The following FRMD4A variants were observed in gnomAD, a reference collection of about 807,000 sequenced individuals.
FRMD4A encodes the protein FERM domain-containing protein 4A.
A neutral mutation model predicts 129.1 loss-of-function variants in FRMD4A; 29 were observed. The ratio of observed to expected loss-of-function variants is 0.22; its 90% CI spans 0.17 to 0.31. FRMD4A has a LOEUF of 0.31. FRMD4A is among the 10% of genes least tolerant of loss of function. The probability of loss-of-function intolerance (pLI) is 1.00; values close to 1 mark genes in which losing one functional copy is unlikely to be tolerated. For missense variants in FRMD4A, 1,272 were observed against 1,375.8 expected, an observed-to-expected ratio of 0.92 and a Z score of 1.19; for synonymous variants, 634 against 571.6, an observed-to-expected ratio of 1.11 and a Z score of -1.56.
intron 2 of FRMD4A, among the ~76,000 whole-genome samples, chr10:14,102,125 G>A (rs1354315761): frequency 6.6e-6 from 1 of 152,194 alleles, no homozygotes; most frequent in African/African-American, 2.4e-5. Context: ...CACAAGTGAG[G>A]TGGTCCATAG....
At chr10:13,785,137 T>A (rs2092822884) in intron 5 of FRMD4A, among the ~76,000 whole-genome samples, 2 of 152,014 alleles carry the variant, frequency 1.3e-5, no homozygotes, top group Admixed American at 6.6e-5. Flanking sequence ...ACACACTAAA[T>A]AAATAAATAA....
At chr10:13,706,051 G>A (rs886334849) in intron 13 of FRMD4A, among the ~76,000 whole-genome samples, 5 of 152,172 alleles carry the variant, frequency 3.3e-5, no homozygotes, top group African/African-American at 1.2e-4. Flanking sequence ...CATGGGGAGG[G>A]ACTGCAGCTT....
In FRMD4A at chr10:13,688,591, C is replaced by T. The variant is rs77300201; in HGVS notation, c.1117+5307G>A. Among the ~76,000 whole-genome samples, 58 of 151,936 alleles carry T rather than the reference C, an allele frequency of 3.8e-4. No homozygotes were observed. In the East Asian group the frequency reaches 9.1e-3, roughly 24 times the overall value. On this transcript the variant is annotated intron_variant, in intron 15 of 24. Transcript: ENST00000357447. ...ACTATTAAAAAAAAGAATCTGGTGA[C>T]GGATCTTGGGTTTAAAAAATAAAAA... is the stretch of plus-strand genomic sequence containing the variant.
intron 2 of FRMD4A, among the ~76,000 whole-genome samples, chr10:13,891,926 C>T (rs1263247189): frequency 1.3e-5 from 2 of 148,508 alleles, no homozygotes; most frequent in Admixed American, 1.3e-4. Flanking sequence ...CGCCCCGAGC[C>T]AGTCCCCGGC....
rs576021880 is a variant in FRMD4A, at chr10:14,324,730, G to A, written c.45+5328C>T. On this transcript the variant is annotated intron_variant, in intron 2 of 24. Transcript: ENST00000357447. ...GAGTGCAGTGGCGTGCGCCGATCTCGGCTCACGGCAACCTCTGCCTCCTTG... is the reference window on the plus strand; with the variant it reads ...GAGTGCAGTGGCGTGCGCCGATCTCAGCTCACGGCAACCTCTGCCTCCTTG... 4.6e-5 allele frequency among the ~76,000 whole-genome samples: 7 copies of A among 152,180 alleles called. No homozygotes were observed. In the South Asian group the frequency reaches 1.0e-3, roughly 23 times the overall value.
intron 2 of FRMD4A, among the ~76,000 whole-genome samples, chr10:13,886,926 A>G: frequency 6.6e-6 from 1 of 152,232 alleles, no homozygotes; most frequent in East Asian, 1.9e-4. Flanking sequence ...AATAATTGCT[A>G]AGAAGGCAGG....
chr10:14,251,753 C>G (rs1844448926), intron 2 of FRMD4A, among the ~76,000 whole-genome samples: 1 of 152,204 alleles, frequency 6.6e-6, no homozygotes, highest in South Asian at 2.1e-4. Flanking sequence ...CATACCCCAG[C>G]TCCAACACTG....
In FRMD4A at chr10:13,954,002, G is replaced by A. The variant is rs1003732348; in HGVS notation, c.46-95090C>T. Among the ~76,000 whole-genome samples, 18 of 152,240 alleles carry A rather than the reference G, an allele frequency of 1.2e-4. No homozygotes were observed. The East Asian group carries it at 1.4e-3, about 11-fold the overall frequency. On this transcript the variant is annotated intron_variant, in intron 2 of 24. Transcript: ENST00000357447. ...AAAGAATCACCATAGGGCAGCAGCCGGTACTTATCCCTTCTCTACAAAAAC... is the reference window on the plus strand; with the variant it reads ...AAAGAATCACCATAGGGCAGCAGCCAGTACTTATCCCTTCTCTACAAAAAC...
At chr10:14,018,998 T>G (rs923625455) in intron 2 of FRMD4A, among the ~76,000 whole-genome samples, 6 of 152,130 alleles carry the variant, frequency 3.9e-5, no homozygotes, top group African/African-American at 1.4e-4. Flanking sequence ...AACACGCACA[T>G]TTACTTCTCA....
At chr10:14,156,056 T>C (rs1840580617) in intron 2 of FRMD4A, among the ~76,000 whole-genome samples, 2 of 152,176 alleles carry the variant, frequency 1.3e-5, no homozygotes, top group South Asian at 4.1e-4. Flanking sequence ...AAACTTTTTC[T>C]CATGAGCTCA....
At chr10:14,252,964 T>C (rs930824876) in intron 2 of FRMD4A, among the ~76,000 whole-genome samples, 1 of 152,252 alleles carries the variant, frequency 6.6e-6, no homozygotes, top group Non-Finnish European at 1.5e-5. Context: ...CATTCATTTA[T>C]ATCAGTGTAG....
chr10:14,243,450 CG>C (rs1181589634), intron 2 of FRMD4A, among the ~76,000 whole-genome samples: 1 of 152,112 alleles, frequency 6.6e-6, no homozygotes, highest in African/African-American at 2.4e-5. Flanking sequence ...CCCAGTCATG[CG>C]GAACTGTGAG....
intron 2 of FRMD4A, among the ~76,000 whole-genome samples, chr10:14,050,878 A>C (rs1313802309): frequency 2.6e-5 from 4 of 152,156 alleles, no homozygotes; most frequent in African/African-American, 9.6e-5. Flanking sequence ...CTTCTTTATA[A>C]TAAACTGGTA....
intron 2 of FRMD4A, among the ~76,000 whole-genome samples, chr10:14,320,286 G>A (rs1846925244): frequency 6.6e-6 from 1 of 152,164 alleles, no homozygotes; most frequent in South Asian, 2.1e-4. Flanking sequence ...CATTTGCAAT[G>A]TCTTGCCTTA....
At chr10:13,966,270 G>A (rs2095484781) in intron 2 of FRMD4A, among the ~76,000 whole-genome samples, 1 of 152,130 alleles carries the variant, frequency 6.6e-6, no homozygotes, top group South Asian at 2.1e-4. Flanking sequence ...TGATCTGCCT[G>A]TCTTGGCCTC....
intron 2 of FRMD4A, among the ~76,000 whole-genome samples, chr10:14,199,845 TAAGA>T (rs1461630236): frequency 1.4e-5 from 2 of 139,906 alleles, no homozygotes; most frequent in African/African-American, 4.9e-5. Context: ...CCTCTACCTT[TAAGA>T]AAGACATGAA....
At chr10:14,279,609 G>A (rs891997331) in intron 2 of FRMD4A, among the ~76,000 whole-genome samples, 2 of 152,118 alleles carry the variant, frequency 1.3e-5, no homozygotes, top group African/African-American at 4.8e-5. Flanking sequence ...CCTTTAATCA[G>A]ATCAAATTAC....
In FRMD4A at chr10:13,644,642, A is replaced by C. The variant is rs4748047; in HGVS notation, c.*2396T>G. On this transcript the variant is annotated 3_prime_UTR_variant, in exon 25 of 25. Transcript: ENST00000357447. ...TCTCCAGACTAGATTTCAAGCTACT[A>C]TGCATGATGTAGAACATGTAACCAT... 103,142 of 152,144 alleles carry C rather than the reference A, an allele frequency of 0.68. 35,160 individuals are homozygous for C. The highest frequency in any genetic ancestry group is 0.88 in the East Asian group (4,538 of 5,176). 9.4% of individuals were successfully genotyped at this position (152,144 alleles called of 1,614,324 possible).
At chr10:14,079,698 A>G (rs1458982762) in intron 2 of FRMD4A, among the ~76,000 whole-genome samples, 4 of 152,198 alleles carry the variant, frequency 2.6e-5, no homozygotes, top group Middle Eastern at 3.2e-3. Flanking sequence ...CTGTGTGACA[A>G]CAGCGCTGAG....
Sources: gnomAD v4.1 joint callset for allele counts (sites outside exome capture counted in the v4.1 genomes callset) on GRCh38, gnomAD v4.1.1 for gene constraint, MANE v1.5 for transcripts, NCBI Gene and HGNC (gene_info 2026-07-23, HGNC 2026-07-21) for gene names.